Variants in SUSD5 observed in about 807,000 individuals in gnomAD.
The protein encoded by SUSD5 is sushi domain-containing protein 5.
A neutral mutation model predicts 29.5 loss-of-function variants in SUSD5; 33 were observed. The observed-to-expected ratio is 1.12, with a 90% CI of 0.85 to 1.49. SUSD5 has a LOEUF of 1.49. Among genes scored for constraint, SUSD5 ranks in the 40% most tolerant of loss-of-function variants. The pLI is 0.00. For synonymous variants in SUSD5, 308 were observed against 325.3 expected (o/e 0.95, Z 0.57); for missense variants, 776 against 800.6 (o/e 0.97, Z 0.37).
chr3:33,211,972 A>T (rs1201332663), intron 2 of SUSD5, among the ~76,000 whole-genome samples: 2 of 152,116 alleles, frequency 1.3e-5, no homozygotes, highest in African/African-American at 4.8e-5. Flanking sequence ...CAGTTTTCCC[A>T]GCACCATTTA....
intron 3 of SUSD5, among the ~76,000 whole-genome samples, chr3:33,193,558 T>C (rs2031939581): frequency 1.3e-5 from 2 of 152,074 alleles, no homozygotes; most frequent in Non-Finnish European, 2.9e-5. Context: ...ATATATGGAA[T>C]TCAGGGCTTT....
intron 4 of SUSD5, among the ~76,000 whole-genome samples, chr3:33,155,736 T>G (rs1463613505): frequency 6.6e-6 from 1 of 152,180 alleles, no homozygotes; most frequent in East Asian, 1.9e-4. Context: ...CACAACAAAA[T>G]AGATGAATTG....
In SUSD5 at chr3:33,193,516, A is replaced by G. The variant is rs74723172; in HGVS notation, c.409+14292T>C. Among the ~76,000 whole-genome samples, 143 of 152,252 alleles carry G rather than the reference A, an allele frequency of 9.4e-4. 2 individuals carry two copies. In the East Asian group the frequency reaches 0.025, roughly 26 times the overall value. ...ATAAGTTTGGGACTTGTGGATTTTG[A>G]TGGGCCACAAGCAATGCCCATAGGT... is the stretch of plus-strand genomic sequence containing the variant. On this transcript the variant is annotated intron_variant, in intron 3 of 4. Coordinates refer to ENST00000309558, the MANE Select transcript of SUSD5 (RefSeq NM_015551.2).
intron 3 of SUSD5, among the ~76,000 whole-genome samples, chr3:33,182,716 C>T (rs1211760377): frequency 6.6e-6 from 1 of 152,172 alleles, no homozygotes; most frequent in East Asian, 1.9e-4. Flanking sequence ...GAAGTCTGCT[C>T]TATCTAAAAT....
chr3:33,183,296 TTC>T (rs1352930594), intron 3 of SUSD5, among the ~76,000 whole-genome samples: 7 of 152,226 alleles, frequency 4.6e-5, no homozygotes, highest in African/African-American at 1.4e-4. Context: ...TTACCGTATT[TTC>T]TGTTTCTATT....
chr3:33,194,818 C>A (rs1356233839), intron 3 of SUSD5, among the ~76,000 whole-genome samples: 2 of 152,192 alleles, frequency 1.3e-5, no homozygotes, highest in African/African-American at 4.8e-5. Context: ...TACAGAGTAA[C>A]AGCTTGATGA....
At chr3:33,196,523 C>T (rs2031999043) in intron 3 of SUSD5, among the ~76,000 whole-genome samples, 1 of 152,192 alleles carries the variant, frequency 6.6e-6, no homozygotes, top group Admixed American at 6.5e-5. Context: ...GTCTCTGGAT[C>T]TGTCAGGATA....
At chr3:33,186,075 G>A (rs1249271716) in intron 3 of SUSD5, among the ~76,000 whole-genome samples, 5 of 152,112 alleles carry the variant, frequency 3.3e-5, no homozygotes, top group African/African-American at 9.7e-5. Context: ...AGGCCAAGGC[G>A]GGCGGATCAT....
At chr3:33,187,052 T>C (rs964687086) in intron 3 of SUSD5, among the ~76,000 whole-genome samples, 4 of 152,098 alleles carry the variant, frequency 2.6e-5, no homozygotes, top group Non-Finnish European at 1.5e-5. Context: ...CCAGCTGGTA[T>C]CTCAAAGGCA....
At chr3:33,172,279 T>A (rs1424345918) in intron 4 of SUSD5, among the ~76,000 whole-genome samples, 1 of 152,118 alleles carries the variant, frequency 6.6e-6, no homozygotes, top group East Asian at 1.9e-4. Context: ...CTGTTAACAA[T>A]CTGTATATCC....
chr3:33,200,866 T>C (rs1001676467), intron 3 of SUSD5, among the ~76,000 whole-genome samples: 1 of 152,200 alleles, frequency 6.6e-6, no homozygotes, highest in Non-Finnish European at 1.5e-5. Flanking sequence ...TTGCAAGCCA[T>C]GAAATTTAAT....
Position 33,153,766 on chromosome 3 carries a change from A to T in SUSD5, c.866T>A (p.Leu289His), listed in dbSNP as rs745510026. 5 of 1,613,922 alleles carry T rather than the reference A, an allele frequency of 3.1e-6. No homozygotes were observed. In the African/African-American group the frequency reaches 6.7e-5, roughly 22 times the overall value. ...AGGAAACCAGAACAAGTGCTTCTGG[A>T]GCAGCCGTGATCCTGGTGAATCTGC... is the stretch of plus-strand genomic sequence containing the variant. Reference protein sequence around the residue: ...VPADSPGSRLLQKHLFWFPAE... With the variant: ...VPADSPGSRLHQKHLFWFPAE... The change falls in exon 5 of 5, where the codon CTC becomes CAC. Residue 289 changes from leucine (L) to histidine (H), a missense_variant. By Grantham distance (99) the Leu-to-His change is moderately conservative (BLOSUM62 -3). Coordinates refer to ENST00000309558, the MANE Select transcript of SUSD5 (RefSeq NM_015551.2).
At chr3:33,205,111 ACCTTGG>A (rs1365845523) in intron 3 of SUSD5, among the ~76,000 whole-genome samples, 2 of 152,042 alleles carry the variant, frequency 1.3e-5, no homozygotes, top group Non-Finnish European at 2.9e-5. Context: ...GTCCCTAAAA[ACCTTGG>A]TGTGCATTTC....
rs79474164 is a variant in SUSD5, at chr3:33,174,885, C to A, written c.598+1G>T. 8 of 1,613,764 alleles carry A rather than the reference C, an allele frequency of 5.0e-6. No homozygotes were observed. In the East Asian group the frequency reaches 1.8e-4, roughly 36 times the overall value. On this transcript the variant is annotated splice_donor_variant, in intron 4 of 4. Transcript: ENST00000309558. LOFTEE classifies it high-confidence loss of function. ...AGGTGGCCCATCCCTGGGCTGCTTA[C>A]CTTTCCCACAGGCCTGCACCAGGCC...
At chr3:33,209,812 C>T (rs1304054274) in intron 2 of SUSD5, among the ~76,000 whole-genome samples, 1 of 151,716 alleles carries the variant, frequency 6.6e-6, no homozygotes, top group African/African-American at 2.4e-5. Context: ...CATGCCCAGC[C>T]CTCTTTGGCT....
At chr3:33,198,873 A>ATT (rs2032046453) in intron 3 of SUSD5, among the ~76,000 whole-genome samples, 1 of 152,140 alleles carries the variant, frequency 6.6e-6, no homozygotes, top group East Asian at 1.9e-4. Context: ...GTTAGGAAGA[A>ATT]TCACCCATAT....
At chr3:33,190,095 T>A (rs909291320) in intron 3 of SUSD5, 2 of 152,574 alleles carry the variant, frequency 1.3e-5, no homozygotes, top group Non-Finnish European at 2.9e-5. Context: ...CTTAGTTAAA[T>A]CAGGACTGCC....
intron 3 of SUSD5, among the ~76,000 whole-genome samples, chr3:33,200,723 C>A (rs2032101445): frequency 6.6e-6 from 1 of 152,162 alleles, no homozygotes; most frequent in South Asian, 2.1e-4. Context: ...CAATAAAGGC[C>A]ATTTTGATGA....
intron 4 of SUSD5, among the ~76,000 whole-genome samples, chr3:33,162,557 A>G (rs1366552623): frequency 6.6e-6 from 1 of 152,228 alleles, no homozygotes; most frequent in East Asian, 1.9e-4. Flanking sequence ...AGAAGAATTT[A>G]GAGAAGATGC....
Sources: allele counts gnomAD v4.1 joint callset (sites outside exome capture counted in the v4.1 genomes callset), GRCh38; gene constraint gnomAD v4.1.1; transcripts MANE v1.5; gene names NCBI Gene and HGNC (gene_info 2026-07-23, HGNC 2026-07-21).